The following ZNF490 variants were observed in gnomAD, a reference collection of about 807,000 sequenced individuals.
ZNF490 encodes zinc finger protein 490.
Under a neutral mutation model 17.7 loss-of-function variants are expected in ZNF490, and 11 were observed. The observed-to-expected ratio is 0.62, with a 90% confidence interval of 0.39 to 1.03. The LOEUF is 1.03. ZNF490 is among the 50% of genes least tolerant of loss of function. The probability of loss-of-function intolerance (pLI) is 0.00; values close to 1 mark genes in which losing one functional copy is unlikely to be tolerated. For missense variants in ZNF490, 542 were observed against 643.4 expected (o/e 0.84, Z 1.71); for synonymous variants, 222 against 216.1 (o/e 1.03, Z -0.24).
Position 12,577,407 on chromosome 19 carries a change from CAAT to C in ZNF490, c.*3075_*3077del. 1 of 983,422 alleles carries C rather than the reference CAAT, an allele frequency of 1.0e-6. No homozygotes were observed. Among genetic ancestry groups the C allele is most frequent in the Non-Finnish European group, 1.2e-6 (1 of 828,138 alleles). The allele number at this position is 983,422 out of a possible 1,614,324, so 60.9% of individuals were successfully genotyped here. On this transcript the variant is annotated 3_prime_UTR_variant, in exon 5 of 5. Coordinates refer to ENST00000311437, the MANE Select transcript of ZNF490 (RefSeq NM_020714.3). ...TCGAACTTCCTGACCTCCCACAGTACAATAATCATCTCTCTACAAAAGCACAAC... is the reference window on the plus strand; with the variant it reads ...TCGAACTTCCTGACCTCCCACAGTACAATCATCTCTCTACAAAAGCACAAC...
intron 2 of ZNF490, among the ~76,000 whole-genome samples, chr19:12,589,948 T>C (rs1208023320): frequency 1.3e-5 from 2 of 152,094 alleles, no homozygotes; most frequent in Non-Finnish European, 2.9e-5. Context: ...AGAGTCTCAC[T>C]CTGTCACCCA....
Position 12,583,575 on chromosome 19 carries a change from G to T in ZNF490, c.163-19C>A. The T allele has an allele frequency of 1.3e-6, 2 of 1,565,930 alleles. No homozygotes were observed. Among genetic ancestry groups the T allele is most frequent in the Non-Finnish European group, 1.7e-6 (2 of 1,151,578 alleles). ...TGGAGTCCTAAAACATCCCCCATGT[G>T]TGTTTAGGAGGAGGAGAGAGATTCG... On this transcript the variant is annotated intron_variant, in intron 2 of 4. Coordinates refer to ENST00000311437, the MANE Select transcript of ZNF490 (RefSeq NM_020714.3).
intron 2 of ZNF490, among the ~76,000 whole-genome samples, chr19:12,592,446 T>C (rs563708466): frequency 1.3e-5 from 2 of 151,874 alleles, no homozygotes; most frequent in Non-Finnish European, 2.9e-5. Context: ...ACATATATTA[T>C]TAAGTGAAAG....
At chr19:12,598,366 C>T (rs1378547917) in intron 2 of ZNF490, among the ~76,000 whole-genome samples, 1 of 151,874 alleles carries the variant, frequency 6.6e-6, no homozygotes, top group Non-Finnish European at 1.5e-5. Context: ...GATCTAGCCT[C>T]ATAATAATTC....
In ZNF490 at chr19:12,609,214, C is replaced by T. The variant is rs141360111; in HGVS notation, c.118-12G>A. ...TCACTGTTCTGCATCTAATTAGAAA[C>T]AAGAGGATGCATTTTGTGAGTTTCA... On this transcript the variant is annotated splice_polypyrimidine_tract_variant and intron_variant, in intron 1 of 4. Transcript: ENST00000311437. 2 of 1,613,504 alleles carry T rather than the reference C, an allele frequency of 1.2e-6. No homozygotes were observed. The highest frequency in any genetic ancestry group is 1.7e-5 in the Admixed American group (1 of 59,974).
intron 2 of ZNF490, among the ~76,000 whole-genome samples, chr19:12,593,417 T>G (rs1330314628): frequency 6.6e-6 from 1 of 151,950 alleles, no homozygotes; most frequent in African/African-American, 2.4e-5. Context: ...CTGGCTAATT[T>G]TTTTGTATTT....
In ZNF490 at chr19:12,577,221, C is replaced by T. The variant is rs1260526670; in HGVS notation, c.*3264G>A. 6.6e-6 allele frequency among the ~76,000 whole-genome samples: 1 copy of T among 152,170 alleles called. No individual in the cohort carries two copies. The highest frequency in any genetic ancestry group is 1.5e-5 in the Non-Finnish European group (1 of 68,032). ...ATATTAGGACTCACACAGACACATA[C>T]ACAAAAGGGTTTTACAAAAACATCA... On this transcript the variant is annotated 3_prime_UTR_variant, in exon 5 of 5. Coordinates refer to ENST00000311437, the MANE Select transcript of ZNF490 (RefSeq NM_020714.3).
chr19:12,596,976 G>C (rs1255512915), intron 2 of ZNF490, among the ~76,000 whole-genome samples: 1 of 152,168 alleles, frequency 6.6e-6, no homozygotes, highest in Non-Finnish European at 1.5e-5. Flanking sequence ...CTCCGGGGCC[G>C]GGGCCGCAAT....
At chr19:12,591,491 A>C (rs1195564777) in intron 2 of ZNF490, among the ~76,000 whole-genome samples, 2 of 152,166 alleles carry the variant, frequency 1.3e-5, no homozygotes, top group Non-Finnish European at 2.9e-5. Context: ...CCTATCTGAC[A>C]AAGGACTGAT....
Position 12,577,393 on chromosome 19 carries a change from G to A in ZNF490, c.*3092C>T, listed in dbSNP as rs1028936881. ...ACAGTGAAGGAATCTCGAACTTCCT[G>A]ACCTCCCACAGTACAATAATCATCT... On this transcript the variant is annotated 3_prime_UTR_variant, in exon 5 of 5. Coordinates refer to ENST00000311437, the MANE Select transcript of ZNF490 (RefSeq NM_020714.3). The A allele has an allele frequency of 1.0e-6, 1 of 977,626 alleles. No individual in the cohort carries two copies. The highest frequency in any genetic ancestry group is 1.2e-6 in the Non-Finnish European group (1 of 822,966). 60.6% of individuals were successfully genotyped at this position (977,626 alleles called of 1,614,324 possible). A position where few individuals can be genotyped will look rare whatever the true frequency, so the allele number is the denominator to read the frequency against.
At chr19:12,591,397 C>CA (rs1038924692) in intron 2 of ZNF490, among the ~76,000 whole-genome samples, 21 of 144,192 alleles carry the variant, frequency 1.5e-4, no homozygotes, top group African/African-American at 4.6e-4. Context: ...GCCGCCCCCC[C>CA]AAAAAAGAGT....
chr19:12,590,504 G>C (rs1246904599), intron 2 of ZNF490, among the ~76,000 whole-genome samples: 1 of 152,074 alleles, frequency 6.6e-6, no homozygotes, highest in Non-Finnish European at 1.5e-5. Context: ...TTACAGGCAT[G>C]AGCCACCGTG....
At chr19:12,582,615 C>A (rs554000299) in intron 4 of ZNF490, among the ~76,000 whole-genome samples, 1 of 151,576 alleles carries the variant, frequency 6.6e-6, no homozygotes, top group South Asian at 2.1e-4. Flanking sequence ...AGGATGGTCT[C>A]GATCTCCTGA....
chr19:12,610,034 A>C (rs954107973), intron 1 of ZNF490: 8 of 431,508 alleles, frequency 1.9e-5, no homozygotes, highest in Non-Finnish European at 2.7e-5. Context: ...AAAAACAAAC[A>C]AACAAAAAAA....
rs916434344 is a variant in ZNF490 at position 12,576,985 on chromosome 19, T to A, written c.*3500A>T. 2.0e-5 allele frequency among the ~76,000 whole-genome samples: 3 copies of A among 152,014 alleles called. No individual in the cohort carries two copies. On this transcript the variant is annotated 3_prime_UTR_variant, in exon 5 of 5. Transcript: ENST00000311437. ...CCCACAGGTGTAACAGCCCAGATACTAAAAGATTCTCCCAAATAGAAGGAC... is the reference window on the plus strand; with the variant it reads ...CCCACAGGTGTAACAGCCCAGATACAAAAAGATTCTCCCAAATAGAAGGAC...
chr19:12,581,094 A>C lies in ZNF490; in HGVS notation c.981T>G (p.Thr327=). ...CPTYLRSHEK[T]HTGEKPFVCR... Reference sequence around the variant, plus strand: ...ATACAAAAGGTTTCTCTCCAGTATGAGTTTTCTCATGACTCCGTAAGTACG... The same window carrying C: ...ATACAAAAGGTTTCTCTCCAGTATGCGTTTTCTCATGACTCCGTAAGTACG... The change falls in exon 5 of 5, where the codon ACT becomes ACG. Residue 327 remains threonine, a synonymous_variant. Coordinates refer to ENST00000311437, the MANE Select transcript of ZNF490 (RefSeq NM_020714.3). The C allele has an allele frequency of 6.2e-7, 1 of 1,614,116 alleles. No homozygotes were observed. The highest frequency in any genetic ancestry group is 1.1e-5 in the South Asian group (1 of 91,078).
Position 12,609,148 on chromosome 19 carries a change from T to G in ZNF490, c.162+10A>C. On this transcript the variant is annotated intron_variant, in intron 2 of 4. Coordinates refer to ENST00000311437, the MANE Select transcript of ZNF490 (RefSeq NM_020714.3). ...AGGTAGCCACGCTGACAGGTAGCGA[T>G]CTCACTTACAGTTTGAGTCTTGATG... 1 of 1,613,968 alleles carries G rather than the reference T, an allele frequency of 6.2e-7. No homozygotes were observed. The highest frequency in any genetic ancestry group is 8.5e-7 in the Non-Finnish European group (1 of 1,179,856).
In ZNF490 at chr19:12,597,086, C is replaced by T. The variant is rs538148470; in HGVS notation, c.162+12072G>A. 176 of 458,242 alleles carry T rather than the reference C, an allele frequency of 3.8e-4. 1 individual carries two copies. The highest frequency in any genetic ancestry group is 2.7e-3 in the South Asian group (175 of 65,436). 28.4% of individuals were successfully genotyped at this position (458,242 alleles called of 1,614,324 possible). On this transcript the variant is annotated intron_variant, in intron 2 of 4. Coordinates refer to ENST00000311437, the MANE Select transcript of ZNF490 (RefSeq NM_020714.3). ...GCTGCGCCAGGGGGACTCGGGTCTTCCCATAGCCGGTTCCGACAAGTCCCC... is the reference window on the plus strand; with the variant it reads ...GCTGCGCCAGGGGGACTCGGGTCTTTCCATAGCCGGTTCCGACAAGTCCCC...
intron 2 of ZNF490, among the ~76,000 whole-genome samples, chr19:12,601,117 G>A (rs1413481415): frequency 9.9e-5 from 15 of 151,760 alleles, no homozygotes; most frequent in East Asian, 3.9e-4. Context: ...GGCCAGGTGC[G>A]TTGGCTTACG....
Sources: allele counts gnomAD v4.1 joint callset (sites outside exome capture counted in the v4.1 genomes callset), GRCh38; gene constraint gnomAD v4.1.1; transcripts MANE v1.5; gene names NCBI Gene and HGNC (gene_info 2026-07-23, HGNC 2026-07-21).